NASP: variants seen among roughly 807,000 people sequenced by gnomAD.
The protein encoded by NASP is nuclear autoantigenic sperm protein.
Under a neutral mutation model 89.5 loss-of-function variants are expected in NASP, and 24 were observed. That is an observed-to-expected ratio of 0.27 (90% CI 0.19 to 0.38). NASP has a LOEUF of 0.38. Among genes scored for constraint, NASP ranks in the 10% least tolerant of loss-of-function variants. NASP has a pLI of 1.00. For synonymous variants in NASP, 306 were observed against 324.7 expected, an observed-to-expected ratio of 0.94 and a Z score of 0.62; for missense variants, 848 against 921.4, an observed-to-expected ratio of 0.92 and a Z score of 1.03.
At chr1:45,589,335 G>GT (rs1319303523) in intron 1 of NASP, among the ~76,000 whole-genome samples, 32 of 152,146 alleles carry the variant, frequency 2.1e-4, no homozygotes, top group Non-Finnish European at 3.8e-4. Flanking sequence ...TGTTGCCCAG[G>GT]TTGGTTTTTG....
intron 2 of NASP, among the ~76,000 whole-genome samples, chr1:45,593,331 A>G (rs1017382042): frequency 6.6e-6 from 1 of 152,074 alleles, no homozygotes; most frequent in African/African-American, 2.4e-5. Flanking sequence ...TCAGGAGTTC[A>G]AGACCAGCCT....
rs375742982 is a variant in NASP at position 45,607,995 on chromosome 1, G to A, written c.1084G>A (p.Glu362Lys). Residue 362 changes from glutamate (E) to lysine (K), a missense_variant, in exon 6 of 15, where the codon GAA becomes AAA. This residue lies in a region of NASP where 464 missense variants were observed against 469.4 expected (regional missense o/e 0.99). Coordinates refer to ENST00000350030, the MANE Select transcript of NASP (RefSeq NM_002482.4). ...GGCCTCAGCTGTAGAGGCTGGATCA[G>A]AAGTCTCTGAAAAGCCTGGGCAGGA... is the stretch of plus-strand genomic sequence containing the variant. ...AEASAVEAGS[E>K]VSEKPGQEAP... The A allele has an allele frequency of 6.2e-7, 1 of 1,614,088 alleles. No homozygotes were observed. The highest frequency in any genetic ancestry group is 8.5e-7 in the Non-Finnish European group (1 of 1,179,968).
intron 3 of NASP, 48 bp from the exon 4 acceptor site, chr1:45,604,888 T>G: frequency 7.3e-7 from 1 of 1,377,814 alleles, no homozygotes; most frequent in Non-Finnish European, 1.0e-6. Flanking sequence ...AACTAAATGT[T>G]TTAGATTAGA....
chr1:45,608,209 A>C lies in NASP; in HGVS notation c.1298A>C (p.Glu433Ala). ...ACTAAGCTGTCTGTAGAAGAGTCTG[A>C]GGCAGCTGGAGATGGGGTTGATACC... ...EETKLSVEES[E>A]AAGDGVDTKV... is the part of the protein sequence containing the mutation. Residue 433 changes from glutamate (E) to alanine (A), a missense_variant, in exon 6 of 15, where the codon GAG (glutamate) becomes GCG (alanine). Around this residue, in one of 5 missense-constraint regions of NASP, gnomAD observed 464 missense variants for 469.4 expected, o/e 0.99. Coordinates refer to ENST00000350030, the MANE Select transcript of NASP (RefSeq NM_002482.4). 1 of 1,614,196 alleles carries C rather than the reference A, an allele frequency of 6.2e-7. No individual in the cohort carries two copies. The highest frequency in any genetic ancestry group is 8.5e-7 in the Non-Finnish European group (1 of 1,180,028).
At chr1:45,611,924 A>G (rs1162829855) in intron 6 of NASP, 1 of 135,390 alleles carries the variant, frequency 7.4e-6, no homozygotes, top group African/African-American at 2.9e-5. Context: ...CAGTGGTGCG[A>G]TAATCCGCTC....
chr1:45,616,847 T>C, intron 13 of NASP, 144 bp downstream of exon 13: 1 of 761,584 alleles, frequency 1.3e-6, no homozygotes, highest in Non-Finnish European at 2.2e-6. Context: ...GAGACTGTTG[T>C]GTTTTGTTTT....
intron 3 of NASP, among the ~76,000 whole-genome samples, chr1:45,603,283 A>G (rs1276739128): frequency 3.9e-5 from 6 of 152,244 alleles, no homozygotes; most frequent in South Asian, 4.1e-4. Context: ...CCTCAAATAT[A>G]GTATTAGCAA....
rs770681929 is a variant in NASP, at chr1:45,608,264, A to G, written c.1353A>G (p.Ser451=). 4 of 1,613,900 alleles carry G rather than the reference A, an allele frequency of 2.5e-6. No individual in the cohort carries two copies. Among genetic ancestry groups the G allele is most frequent in the South Asian group, 1.1e-5 (1 of 91,064 alleles). ...TAGCCCAGGGAGCTACTGAGAAATC[A>G]CCTGAAGACAAAGTTCAGATAGCTG... is the stretch of plus-strand genomic sequence containing the variant. The part of the protein sequence containing the change: ...TKVAQGATEK[S]PEDKVQIAAN... The change falls in exon 6 of 15, where the codon TCA becomes TCG. Residue 451 remains serine, a synonymous_variant. Coordinates refer to ENST00000350030, the MANE Select transcript of NASP (RefSeq NM_002482.4).
At chr1:45,606,768 A>G (rs1643914981) in intron 5 of NASP, 177 bp downstream of exon 5, 2 of 449,892 alleles carry the variant, frequency 4.4e-6, no homozygotes, top group Non-Finnish European at 7.9e-6. Context: ...CTGACAGCAG[A>G]TTTTTGAAAG....
Position 45,613,180 on chromosome 1 carries a change from T to C in NASP, c.1438T>C (p.Ser480Pro). Reference sequence around the variant, plus strand: ...ATTTTTACTTGTAGAAACTGAAGGCTCAGAAGAGGATGATAAAGAAAATGA... The same window carrying C: ...ATTTTTACTTGTAGAAACTGAAGGCCCAGAAGAGGATGATAAAGAAAATGA... ...QMKEGEETEGSEEDDKENDKT... is the reference protein window; with the variant it reads ...QMKEGEETEGPEEDDKENDKT... The change falls in exon 7 of 15, where the codon TCA (serine) becomes CCA (proline). Residue 480 changes from serine to proline, a missense_variant. This residue lies in a region of NASP where 464 missense variants were observed against 469.4 expected (regional missense o/e 0.99). Coordinates refer to ENST00000350030, the MANE Select transcript of NASP (RefSeq NM_002482.4). 1.2e-6 allele frequency: 2 copies of C among 1,607,648 alleles called. No homozygotes were observed. Among genetic ancestry groups the C allele is most frequent in the Non-Finnish European group, 1.7e-6 (2 of 1,177,634 alleles).
At chr1:45,591,477 C>T (rs1469177201) in intron 2 of NASP, among the ~76,000 whole-genome samples, 1 of 152,170 alleles carries the variant, frequency 6.6e-6, no homozygotes, top group African/African-American at 2.4e-5. Context: ...CTTCAACCTC[C>T]TGAGTAGCTA....
intron 5 of NASP, among the ~76,000 whole-genome samples, chr1:45,606,980 T>A (rs1197734148): frequency 6.6e-6 from 1 of 152,192 alleles, no homozygotes; most frequent in Non-Finnish European, 1.5e-5. Context: ...TTTTTATGTG[T>A]GCGAAAATTA....
At chr1:45,591,449 G>T (rs1354543588) in intron 2 of NASP, among the ~76,000 whole-genome samples, 179 bp downstream of exon 2, 1 of 152,194 alleles carries the variant, frequency 6.6e-6, no homozygotes, top group Non-Finnish European at 1.5e-5. Context: ...GAACTCCTGG[G>T]CTCAAGCAAT....
chr1:45,588,179 C>T (rs1190432199), intron 1 of NASP, among the ~76,000 whole-genome samples: 4 of 152,162 alleles, frequency 2.6e-5, no homozygotes, highest in Non-Finnish European at 4.4e-5. Context: ...TCTAGGCTCA[C>T]CGCAGTCTCC....
At chr1:45,599,333 C>G (rs1012177321) in intron 2 of NASP, among the ~76,000 whole-genome samples, 2 of 152,190 alleles carry the variant, frequency 1.3e-5, no homozygotes, top group African/African-American at 4.8e-5. Flanking sequence ...TCTCTAACTC[C>G]TGGGCTCAAG....
chr1:45,602,488 A>T, intron 3 of NASP, 123 bp downstream of exon 3: 5 of 964,534 alleles, frequency 5.2e-6, no homozygotes, highest in South Asian at 3.3e-5. Context: ...ATTATTTTTC[A>T]TGTGGTTTGT....
At chr1:45,600,819 G>A (rs1481098913) in intron 2 of NASP, among the ~76,000 whole-genome samples, 1 of 152,160 alleles carries the variant, frequency 6.6e-6, no homozygotes, top group Non-Finnish European at 1.5e-5. Context: ...GACAGTTCTA[G>A]TTGCCCTACA....
intron 3 of NASP, 27 bp downstream of exon 3, chr1:45,602,392 G>A (rs533848676): frequency 6.3e-7 from 1 of 1,593,356 alleles, no homozygotes; most frequent in African/African-American, 1.4e-5. Context: ...TTGCTATGAT[G>A]TAATATTATG....
At chr1:45,616,230 A>T in intron 11 of NASP, 107 bp from the exon 12 acceptor site, 1 of 1,032,434 alleles carries the variant, frequency 9.7e-7, no homozygotes, top group South Asian at 1.3e-5. Context: ...GGCCACTAGC[A>T]TTTCAGGTCT....
Sources: gnomAD v4.1 joint callset for allele counts (sites outside exome capture counted in the v4.1 genomes callset) on GRCh38, gnomAD v4.1.1 for gene constraint, gnomAD v4.1.1 regional missense constraint, MANE v1.5 for transcripts, NCBI Gene and HGNC (gene_info 2026-07-23, HGNC 2026-07-21) for gene names.